The following GOLGA5 variants were observed in gnomAD, a reference collection of about 807,000 sequenced individuals.
GOLGA5 encodes golgin subfamily A member 5.
GOLGA5 carries 50 observed loss-of-function variants against 93.5 expected under a neutral mutation model. The observed-to-expected ratio is 0.53, with a 90% CI of 0.43 to 0.68. GOLGA5 has a LOEUF of 0.68. Among genes scored for constraint, GOLGA5 ranks in the 30% least tolerant of loss-of-function variants. GOLGA5 has a pLI of 0.00. For synonymous variants in GOLGA5, 312 were observed against 304.5 expected (o/e 1.02, Z -0.26); for missense variants, 760 against 856.4 (o/e 0.89, Z 1.40).
chr14:92,827,734 C>G (rs1479007270), intron 9 of GOLGA5, among the ~76,000 whole-genome samples: 1 of 152,170 alleles, frequency 6.6e-6, no homozygotes, highest in African/African-American at 2.4e-5. Flanking sequence ...GTTTTAAATG[C>G]AAAGGAAAAG....
chr14:92,819,595 T>C, intron 7 of GOLGA5, 113 bp from the exon 8 acceptor site: 1 of 934,372 alleles, frequency 1.1e-6, no homozygotes, highest in Admixed American at 2.1e-5. Context: ...ATTGTGCCAC[T>C]GCACTCCAGC....
chr14:92,817,910 T>C (rs1384679255), intron 7 of GOLGA5, among the ~76,000 whole-genome samples: 1 of 152,194 alleles, frequency 6.6e-6, no homozygotes, highest in African/African-American at 2.4e-5. Flanking sequence ...CAATAAAGGA[T>C]AATATATGAA....
At chr14:92,829,421 C>T (rs1157147173) in intron 9 of GOLGA5, among the ~76,000 whole-genome samples, 1 of 151,824 alleles carries the variant, frequency 6.6e-6, no homozygotes, top group African/African-American at 2.4e-5. Flanking sequence ...GCCAGAATAT[C>T]AACATTAACA....
At chr14:92,808,077 C>CA (rs1227609974) in intron 3 of GOLGA5, among the ~76,000 whole-genome samples, 1 of 151,954 alleles carries the variant, frequency 6.6e-6, no homozygotes, top group Non-Finnish European at 1.5e-5. Flanking sequence ...ACTAAAAATA[C>CA]AAAAAAATTA....
At position 92,825,640 on chromosome 14, in the gene GOLGA5, C is replaced by T. The variant is rs539864432; in HGVS notation, c.1719+996C>T. On this transcript the variant is annotated intron_variant, in intron 9 of 12. Transcript: ENST00000163416. ...CTTTGGGAGACCGAGGCAGGAGGAC[C>T]GCTTCAGCTCAGCAGTTTGAGACCA... is the stretch of plus-strand genomic sequence containing the variant. Among the ~76,000 whole-genome samples the T allele has an allele frequency of 8.7e-4, 133 of 152,166 alleles. 2 individuals carry two copies. The highest frequency in any genetic ancestry group is 1.0e-3 in the Non-Finnish European group (68 of 68,008).
At chr14:92,798,876 A>G (rs1415424940) in intron 2 of GOLGA5, among the ~76,000 whole-genome samples, 2 of 152,312 alleles carry the variant, frequency 1.3e-5, no homozygotes, top group East Asian at 1.9e-4. Flanking sequence ...AGATTGTACC[A>G]CTACACTCCA....
chr14:92,808,260 CAACAACAAA>C (rs1402087911), intron 3 of GOLGA5, among the ~76,000 whole-genome samples: 1 of 151,808 alleles, frequency 6.6e-6, no homozygotes, highest in Non-Finnish European at 1.5e-5. Flanking sequence ...ACAACAACAA[CAACAACAAA>C]AACAAAGTAC....
chr14:92,833,921 G>A (rs980961467), intron 10 of GOLGA5, among the ~76,000 whole-genome samples: 13 of 151,048 alleles, frequency 8.6e-5, no homozygotes, highest in African/African-American at 3.2e-4. Flanking sequence ...AGAGACGCTG[G>A]GTGCCAGGTA....
intron 9 of GOLGA5, among the ~76,000 whole-genome samples, chr14:92,832,888 A>T (rs529262993): frequency 3.5e-4 from 54 of 152,342 alleles, no homozygotes; most frequent in Non-Finnish European, 6.2e-4. Flanking sequence ...TATATGTTAC[A>T]TAAATATCAG....
chr14:92,809,751 C>G (rs780661770), intron 4 of GOLGA5, among the ~76,000 whole-genome samples: 1 of 151,958 alleles, frequency 6.6e-6, no homozygotes, highest in Admixed American at 6.6e-5. Flanking sequence ...GTTGGGAGTT[C>G]GAGACCAGCC....
At chr14:92,800,552 A>G (rs1004348345) in intron 2 of GOLGA5, among the ~76,000 whole-genome samples, 1 of 152,226 alleles carries the variant, frequency 6.6e-6, no homozygotes, top group African/African-American at 2.4e-5. Context: ...TAAACCCATT[A>G]CTTCTATAAT....
chr14:92,838,570 T>C (rs932267927), intron 12 of GOLGA5, among the ~76,000 whole-genome samples: 3 of 152,128 alleles, frequency 2.0e-5, no homozygotes, highest in African/African-American at 7.2e-5. Context: ...TTCACTATGT[T>C]GGCCAAGCTG....
rs1469636433 is a variant in GOLGA5, at chr14:92,811,641, GAGA to G, written c.1214_1216del (p.Lys405del). On this transcript the variant is annotated inframe_deletion, in exon 6 of 13. Coordinates refer to ENST00000163416, the MANE Select transcript of GOLGA5 (RefSeq NM_005113.4). ...ACTGGCCGAAAGAAAATACTCAGAT[GAGA>G]AGAAGAGGGTTGATGAACTGCAGCA... 13 of 1,612,176 alleles carry G rather than the reference GAGA, an allele frequency of 8.1e-6. 1 individual carries two copies. Among genetic ancestry groups the G allele is most frequent in the South Asian group, 3.3e-5 (3 of 90,922 alleles).
intron 9 of GOLGA5, among the ~76,000 whole-genome samples, chr14:92,826,601 G>A (rs1885426746): frequency 6.6e-6 from 1 of 151,236 alleles, no homozygotes; most frequent in Non-Finnish European, 1.5e-5. Flanking sequence ...GAGAGGCTGA[G>A]ACAGGAGAAT....
chr14:92,806,650 C>A, intron 2 of GOLGA5, 86 bp from the exon 3 acceptor site: 2 of 870,652 alleles, frequency 2.3e-6, no homozygotes, highest in Non-Finnish European at 3.8e-6. Context: ...CTGTAGCAGT[C>A]AACTTGAGCA....
intron 2 of GOLGA5, among the ~76,000 whole-genome samples, chr14:92,799,272 A>AT (rs1191305000): frequency 0.02 from 2,540 of 124,130 alleles, 212 homozygotes; most frequent in South Asian, 0.065. Context: ...GGCCATAGGG[A>AT]TTTTTTTTTT....
chr14:92,838,622 T>G (rs1885695988), intron 12 of GOLGA5, among the ~76,000 whole-genome samples: 1 of 152,150 alleles, frequency 6.6e-6, no homozygotes, highest in Non-Finnish European at 1.5e-5. Context: ...CTCTTCGGCC[T>G]CCCAAAGTGC....
chr14:92,807,161 A>G lies in GOLGA5; in HGVS notation c.772+198A>G, dbSNP rs7147752. 0.81 allele frequency among the ~76,000 whole-genome samples: 122,667 copies of G among 151,954 alleles called. 50,046 individuals carry two copies. The highest frequency in any genetic ancestry group is 0.91 in the African/African-American group (37,682 of 41,442). ...CTAAAAATACAAAAAAATTAGTCAG[A>G]TGTGGTTGCAGGCACCTGTAATCCC... On this transcript the variant is annotated intron_variant, in intron 3 of 12. Coordinates refer to ENST00000163416, the MANE Select transcript of GOLGA5 (RefSeq NM_005113.4).
chr14:92,797,740 A>G lies in GOLGA5; in HGVS notation c.303A>G (p.Ala101=). The change falls in exon 2 of 13, where the codon GCA becomes GCG. Residue 101 remains alanine, a synonymous_variant. Transcript: ENST00000163416. ...PVEASHPVEN[A]SVPRPSSHFV... is the part of the protein sequence containing the mutation. ...AGGCCTCTCATCCTGTTGAAAATGC[A>G]TCTGTTCCTAGGCCTTCATCCCATT... 6.2e-7 allele frequency: 1 copy of G among 1,613,710 alleles called. No homozygotes were observed. The highest frequency in any genetic ancestry group is 1.1e-5 in the South Asian group (1 of 91,048).
Sources: allele counts gnomAD v4.1 joint callset (sites outside exome capture counted in the v4.1 genomes callset), GRCh38; gene constraint gnomAD v4.1.1; transcripts MANE v1.5; gene names NCBI Gene and HGNC (gene_info 2026-07-23, HGNC 2026-07-21).